The following CHMP4B variants were observed in gnomAD, a reference collection of about 807,000 sequenced individuals.
CHMP4B encodes the protein charged multivesicular body protein 4B.
Under a neutral mutation model 25.1 loss-of-function variants are expected in CHMP4B, and 1 was observed. The observed-to-expected ratio is 0.04, with a 90% CI of 0.01 to 0.19. The LOEUF is 0.19. CHMP4B is among the 10% of genes least tolerant of loss of function. The pLI, the probability that CHMP4B is intolerant of heterozygous loss-of-function variation, is 1.00. For synonymous variants in CHMP4B, 101 were observed against 115.6 expected, an observed-to-expected ratio of 0.87 and a Z score of 0.81; for missense variants, 151 against 289.7, an observed-to-expected ratio of 0.52 and a Z score of 3.48.
intron 1 of CHMP4B, 125 bp from the exon 2 acceptor site, chr20:33,848,342 A>T (rs1051209019): frequency 6.6e-6 from 6 of 906,128 alleles, no homozygotes; most frequent in Admixed American, 4.0e-5. Context: ...AGAATTTATG[A>T]ATCCTCTGCT....
Position 33,837,177 on chromosome 20 carries a change from A to T in CHMP4B, c.191-11290A>T, listed in dbSNP as rs554791932. On this transcript the variant is annotated intron_variant, in intron 1 of 4. Coordinates refer to ENST00000217402, the MANE Select transcript of CHMP4B (RefSeq NM_176812.5). ...CTCACTCCTGTTATCCCAGCACTTT[A>T]GGAGGCCAAGGTGGATTGGATTGCT... Among the ~76,000 whole-genome samples the T allele has an allele frequency of 3.6e-4, 55 of 152,208 alleles. 2 individuals are homozygous for T. The South Asian group carries it at 0.011, about 31-fold the overall frequency.
At chr20:33,811,701 C>T (rs764275596) in intron 1 of CHMP4B, 43 bp downstream of exon 1, 2 of 1,591,252 alleles carry the variant, frequency 1.3e-6, no homozygotes, top group South Asian at 2.2e-5. Context: ...GGGCTCCCCC[C>T]AGGCTCCCCG....
intron 3 of CHMP4B, among the ~76,000 whole-genome samples, chr20:33,851,576 C>T (rs1171252975): frequency 6.6e-6 from 1 of 152,072 alleles, no homozygotes; most frequent in Non-Finnish European, 1.5e-5. Context: ...AGGTATTTCA[C>T]TGTGTGCTAG....
Position 33,830,933 on chromosome 20 carries a change from G to GGTTTTTTTTTTTTTT in CHMP4B, c.191-17534_191-17533insGTTTTTTTTTTTTTT, listed in dbSNP as rs1555792006. 1.3e-4 allele frequency among the ~76,000 whole-genome samples: 13 copies of GGTTTTTTTTTTTTTT among 102,580 alleles called. No homozygotes were observed. In the East Asian group the frequency reaches 2.3e-3, roughly 18 times the overall value. The allele number at this position is 102,580 out of a possible 152,430, so 67.3% of individuals were successfully genotyped here. ...TGAATTAATTGTTCAAAGGAACAGA[G>GGTTTTTTTTTTTTTT]TTTTTTTTTTTTTTTTAGTTTTTTT... On this transcript the variant is annotated intron_variant, in intron 1 of 4. Coordinates refer to ENST00000217402, the MANE Select transcript of CHMP4B (RefSeq NM_176812.5).
chr20:33,845,001 C>T (rs1337844441), intron 1 of CHMP4B, among the ~76,000 whole-genome samples: 1 of 152,064 alleles, frequency 6.6e-6, no homozygotes, highest in South Asian at 2.1e-4. Context: ...CTTTGTAATC[C>T]ACCCGCCTTG....
At position 33,853,525 on chromosome 20, in the gene CHMP4B, A is replaced by G. The variant is rs1223057543; in HGVS notation, c.640A>G (p.Met214Val). The change falls in exon 5 of 5, where the codon ATG (methionine) becomes GTG (valine). Residue 214 changes from methionine (M) to valine (V), a missense_variant. By Grantham distance (21) the Met-to-Val change is conservative. Transcript: ENST00000217402. The part of the protein sequence containing the change: ...AKKKEEEDDD[M>V]KELENWAGSM ...GAAGAAAGAAGAGGAGGACGACGAC[A>G]TGAAGGAATTGGAGAACTGGGCTGG... The G allele has an allele frequency of 6.2e-7, 1 of 1,613,654 alleles. No individual in the cohort carries two copies. The highest frequency in any genetic ancestry group is 1.1e-5 in the South Asian group (1 of 91,052).
chr20:33,818,509 A>G (rs1978842092), intron 1 of CHMP4B, among the ~76,000 whole-genome samples: 1 of 141,356 alleles, frequency 7.1e-6, no homozygotes, highest in Non-Finnish European at 1.5e-5. Flanking sequence ...GTCTCTGGAC[A>G]GCTCCAACTG....
chr20:33,853,156 G>A lies in CHMP4B; in HGVS notation c.611-340G>A, dbSNP rs551639351. On this transcript the variant is annotated intron_variant, in intron 4 of 4. Transcript: ENST00000217402. Reference sequence around the variant, plus strand: ...TTGAGGTGGAGTTGGGGGTTGGCAAGGATTAGATCTCTTCTGGGGTTCTTC... The same window carrying A: ...TTGAGGTGGAGTTGGGGGTTGGCAAAGATTAGATCTCTTCTGGGGTTCTTC... Among the ~76,000 whole-genome samples the A allele has an allele frequency of 6.6e-5, 10 of 152,290 alleles. No homozygotes were observed. In the South Asian group the frequency reaches 1.2e-3, roughly 19 times the overall value.
chr20:33,845,853 G>A (rs1446093117), intron 1 of CHMP4B, among the ~76,000 whole-genome samples: 2 of 152,216 alleles, frequency 1.3e-5, no homozygotes, highest in East Asian at 3.9e-4. Context: ...GCACTTACAG[G>A]ACTCTCCCAG....
At chr20:33,823,365 T>C (rs1049732073) in intron 1 of CHMP4B, among the ~76,000 whole-genome samples, 2 of 151,972 alleles carry the variant, frequency 1.3e-5, no homozygotes, top group Non-Finnish European at 2.9e-5. Flanking sequence ...TGTATCACAG[T>C]AGATTTTCTG....
At chr20:33,851,830 C>T (rs1327945289) in intron 3 of CHMP4B, among the ~76,000 whole-genome samples, 2 of 152,228 alleles carry the variant, frequency 1.3e-5, no homozygotes, top group Non-Finnish European at 2.9e-5. Flanking sequence ...ATGATCCCCT[C>T]TCCCAGATGC....
chr20:33,835,907 A>G (rs141399844), intron 1 of CHMP4B, among the ~76,000 whole-genome samples: 1 of 152,280 alleles, frequency 6.6e-6, no homozygotes, highest in Admixed American at 6.5e-5. Context: ...CGGGAACTGA[A>G]TAAGAACTCA....
rs1978605216 is a variant in CHMP4B at position 33,811,449 on chromosome 20, C to T, written c.-20C>T. ...CCGAGCCGGAGCGGGCGGCGAAGGC[C>T]GGCGCGGCGAGCAGCAACCATGTCG... On this transcript the variant is annotated 5_prime_UTR_variant, in exon 1 of 5. Coordinates refer to ENST00000217402, the MANE Select transcript of CHMP4B (RefSeq NM_176812.5). 3 of 1,494,498 alleles carry T rather than the reference C, an allele frequency of 2.0e-6. No homozygotes were observed. Among genetic ancestry groups the T allele is most frequent in the Non-Finnish European group, 1.8e-6 (2 of 1,120,382 alleles). The allele number at this position is 1,494,498 out of a possible 1,614,324, so 92.6% of individuals were successfully genotyped here. A position where few individuals can be genotyped will look rare whatever the true frequency, so the allele number is the denominator to read the frequency against.
chr20:33,843,022 G>C (rs759810528), intron 1 of CHMP4B, among the ~76,000 whole-genome samples: 42 of 152,230 alleles, frequency 2.8e-4, no homozygotes, highest in Non-Finnish European at 5.1e-4. Context: ...CTGTCTAGTT[G>C]TATCGAACTG....
intron 1 of CHMP4B, among the ~76,000 whole-genome samples, chr20:33,831,230 G>T (rs1979240291): frequency 6.6e-6 from 1 of 151,972 alleles, no homozygotes; most frequent in Non-Finnish European, 1.5e-5. Flanking sequence ...GAGTAGCTAG[G>T]ATTACAGGCA....
intron 1 of CHMP4B, among the ~76,000 whole-genome samples, chr20:33,835,776 G>A (rs1476799072): frequency 6.6e-6 from 1 of 152,236 alleles, no homozygotes; most frequent in Non-Finnish European, 1.5e-5. Context: ...CATGGTGCCA[G>A]CATCTGCTGC....
chr20:33,842,612 C>G (rs1979575226), intron 1 of CHMP4B, among the ~76,000 whole-genome samples: 1 of 152,188 alleles, frequency 6.6e-6, no homozygotes, highest in African/African-American at 2.4e-5. Context: ...CTCACTTAGG[C>G]TGGAGTCCTG....
chr20:33,826,818 G>A (rs1398345005), intron 1 of CHMP4B, among the ~76,000 whole-genome samples: 3 of 152,162 alleles, frequency 2.0e-5, no homozygotes, highest in Non-Finnish European at 4.4e-5. Flanking sequence ...TTTGCTTAAA[G>A]TAGCTTGACC....
At chr20:33,850,527 A>G (rs1979816680) in intron 2 of CHMP4B, among the ~76,000 whole-genome samples, 1 of 152,226 alleles carries the variant, frequency 6.6e-6, no homozygotes, top group Non-Finnish European at 1.5e-5. Context: ...TAGAGGATCC[A>G]TAGGTGGACT....
Sources: gnomAD v4.1 joint callset for allele counts (sites outside exome capture counted in the v4.1 genomes callset) on GRCh38, gnomAD v4.1.1 for gene constraint, MANE v1.5 for transcripts, NCBI Gene and HGNC (gene_info 2026-07-23, HGNC 2026-07-21) for gene names.